The following MISP variants were observed in gnomAD, a reference collection of about 807,000 sequenced individuals.
The protein encoded by MISP is mitotic interactor and substrate of PLK1.
Under a neutral mutation model 49.3 loss-of-function variants are expected in MISP, and 51 were observed. That is an observed-to-expected ratio of 1.03 (90% CI 0.83 to 1.31). The LOEUF (loss-of-function observed/expected upper bound fraction) is 1.31. Ranked by LOEUF, MISP falls within the 50% of genes most tolerant of loss-of-function variation. The pLI is 0.00. For synonymous variants in MISP, 444 were observed against 392.6 expected (o/e 1.13, Z -1.55); for missense variants, 1,084 against 935.1 (o/e 1.16, Z -2.08).
rs565026242 is a variant in MISP at position 761,502 on chromosome 19, G to C, written c.1912-123G>C. On this transcript the variant is annotated intron_variant, in intron 3 of 4. Coordinates refer to ENST00000215582, the MANE Select transcript of MISP (RefSeq NM_173481.4). ...GTGGGACACGTGTTGAGAACACTCA[G>C]GGCAGGGGATGCCTTCCACTCTTCC... The C allele has an allele frequency of 7.6e-6, 8 of 1,047,620 alleles. No individual in the cohort carries two copies. In the African/African-American group the frequency reaches 1.1e-4, roughly 14 times the overall value. The allele number at this position is 1,047,620 out of a possible 1,614,324, so 64.9% of individuals were successfully genotyped here. A position where few individuals can be genotyped will look rare whatever the true frequency, so the allele number is the denominator to read the frequency against.
At chr19:761,484 A>G in intron 3 of MISP, 141 bp from the exon 4 acceptor site, 2 of 829,916 alleles carry the variant, frequency 2.4e-6, no homozygotes, top group Non-Finnish European at 2.0e-6. Flanking sequence ...ATCGTGGGAC[A>G]CGTGTTGAGA....
chr19:761,558 G>T (rs550559189), intron 3 of MISP, 67 bp from the exon 4 acceptor site: 4 of 1,576,934 alleles, frequency 2.5e-6, no homozygotes, highest in Admixed American at 3.3e-5. Flanking sequence ...CTGTGTGGGA[G>T]CTCTGGTCGG....
rs2033593288 is a variant in MISP at position 757,950 on chromosome 19, G to A, written c.1004G>A (p.Ser335Asn). 6.3e-7 allele frequency: 1 copy of A among 1,597,064 alleles called. No homozygotes were observed. The change falls in exon 2 of 5, where the codon AGC becomes AAC. Residue 335 changes from serine (S) to asparagine (N), a missense_variant. Physicochemically the swap from Ser to Asn is conservative, Grantham distance 46. Coordinates refer to ENST00000215582, the MANE Select transcript of MISP (RefSeq NM_173481.4). ...ACCAGGCCGCTGCTGACCAAGCTGA[G>A]CCTGATCACAGCCCCACGGCGGGAG... ...IPTRPLLTKLSLITAPRRERG... is the reference protein window; with the variant it reads ...IPTRPLLTKLNLITAPRRERG...
rs750250141 is a variant in MISP, at chr19:758,567, T to A, written c.1621T>A (p.Ser541Thr). ...AGAPALRLQK[S>T]QSSDLLERER... ...GGCCCCTGCACTGAGGCTGCAGAAGTCCCAGTCATCTGATCTGCTGGAAAG... is the reference window on the plus strand; with the variant it reads ...GGCCCCTGCACTGAGGCTGCAGAAGACCCAGTCATCTGATCTGCTGGAAAG... The change falls in exon 2 of 5, where the codon TCC (serine) becomes ACC (threonine). Residue 541 changes from serine (S) to threonine (T), a missense_variant. By Grantham distance (58) the Ser-to-Thr change is moderately conservative. Coordinates refer to ENST00000215582, the MANE Select transcript of MISP (RefSeq NM_173481.4). 1.5e-4 allele frequency: 237 copies of A among 1,614,010 alleles called. No individual in the cohort carries two copies. Among genetic ancestry groups the A allele is most frequent in the Admixed American group, 2.3e-4 (14 of 60,008 alleles).
At chr19:751,514 C>T (rs1372506773) in intron 1 of MISP, among the ~76,000 whole-genome samples, 3 of 152,182 alleles carry the variant, frequency 2.0e-5, no homozygotes, top group African/African-American at 7.2e-5. Context: ...CCAGAGGGGC[C>T]CCTCCATGGT....
chr19:750,623 G>C (rs1244008977), upstream of MISP, among the ~76,000 whole-genome samples: 1 of 152,144 alleles, frequency 6.6e-6, no homozygotes, highest in Non-Finnish European at 1.5e-5. Context: ...GGTCAGGTGG[G>C]ATCAGAACCC....
Position 759,978 on chromosome 19 carries a change from C to T in MISP, c.1850C>T (p.Ala617Val), listed in dbSNP as rs185794418. 1.1e-5 allele frequency: 17 copies of T among 1,614,046 alleles called. No homozygotes were observed. Among genetic ancestry groups the T allele is most frequent in the Middle Eastern group, 1.6e-4 (1 of 6,062 alleles). ...FSPIHLHSNV[A>V]WTVEDPVDSA... ...CCCATCCACCTACACTCAAACGTGG[C>T]GTGGACAGTGGAAGATCCAGTGGAC... Residue 617 changes from alanine to valine, a missense_variant, in exon 3 of 5, where the codon GCG (alanine) becomes GTG (valine). Coordinates refer to ENST00000215582, the MANE Select transcript of MISP (RefSeq NM_173481.4).
At chr19:749,006 C>G (rs1173157642), upstream of MISP, among the ~76,000 whole-genome samples, 1 of 152,234 alleles carries the variant, frequency 6.6e-6, no homozygotes, top group Non-Finnish European at 1.5e-5. Flanking sequence ...GGCGTGGTGG[C>G]TCACGCCTGT....
intron 3 of MISP, 46 bp from the exon 4 acceptor site, chr19:761,579 G>A (rs200626142): frequency 2.5e-5 from 40 of 1,612,352 alleles, no homozygotes; most frequent in Admixed American, 1.8e-4. Flanking sequence ...ACTCTGCACC[G>A]GGCAGGGCAG....
rs1223820787 is a variant in MISP at position 757,270 on chromosome 19, A to C, written c.324A>C (p.Thr108=). 10 of 1,613,832 alleles carry C rather than the reference A, an allele frequency of 6.2e-6. No homozygotes were observed. Among genetic ancestry groups the C allele is most frequent in the Non-Finnish European group, 8.5e-6 (10 of 1,179,972 alleles). ...GGGATGCCCACCAGGGACGTCCAAC[A>C]TGGGCACTCCGCCCAGAGGACGGGG... ...GARDAHQGRP[T]WALRPEDGED... Residue 108 remains threonine, a synonymous_variant, in exon 2 of 5, where the codon ACA becomes ACC. Coordinates refer to ENST00000215582, the MANE Select transcript of MISP (RefSeq NM_173481.4).
rs139858549 is a variant in MISP, at chr19:758,612, C to G, written c.1666C>G (p.Arg556Gly). 10 of 1,614,110 alleles carry G rather than the reference C, an allele frequency of 6.2e-6. No individual in the cohort carries two copies. Among genetic ancestry groups the G allele is most frequent in the Non-Finnish European group, 8.5e-6 (10 of 1,180,052 alleles). The change falls in exon 2 of 5, where the codon CGC (arginine) becomes GGC (glycine). Residue 556 changes from arginine to glycine, a missense_variant. Physicochemically the swap from Arg to Gly is moderately radical, Grantham distance 125. Transcript: ENST00000215582. ...LLERERESVL[R>G]REQEVAEERR... ...GGAAAGGGAGAGGGAGAGTGTCCTG[C>G]GCCGGGAGCAAGAGGTGGCAGAGGA...
rs564559608 is a variant in MISP, at chr19:757,240, C to T, written c.294C>T (p.Gly98=). ...AGGGTTGGCAGGTTTACCGCCTGGGCGCCAGGGATGCCCACCAGGGACGTC... is the reference window on the plus strand; with the variant it reads ...AGGGTTGGCAGGTTTACCGCCTGGGTGCCAGGGATGCCCACCAGGGACGTC... ...EDEGWQVYRL[G]ARDAHQGRPT... is the part of the protein sequence containing the mutation. Residue 98 remains glycine, a synonymous_variant, in exon 2 of 5, where the codon GGC becomes GGT. Transcript: ENST00000215582. The T allele has an allele frequency of 9.9e-6, 16 of 1,613,820 alleles. No individual in the cohort carries two copies. Among genetic ancestry groups the T allele is most frequent in the Admixed American group, 6.7e-5 (4 of 60,030 alleles).
intron 2 of MISP, 76 bp downstream of exon 2, chr19:758,802 A>G (rs2033624824): frequency 7.8e-7 from 1 of 1,286,510 alleles, no homozygotes; most frequent in Admixed American, 2.3e-5. Context: ...GGGGAGGTGG[A>G]GTTTGAGGCT....
In MISP at chr19:758,480, A is replaced by G. The variant is rs112043753; in HGVS notation, c.1534A>G (p.Arg512Gly). The G allele has an allele frequency of 8.7e-6, 14 of 1,614,092 alleles. No individual in the cohort carries two copies. The African/African-American group carries it at 9.3e-5, about 11-fold the overall frequency. ...CTTCCGCCTGCGTCCTCTGCGGTTC[A>G]GGGCCCCAGACGAGCCCCAGCAGGC... ...EYFRLRPLRF[R>G]APDEPQQAQV... The change falls in exon 2 of 5, where the codon AGG becomes GGG. Residue 512 changes from arginine to glycine, a missense_variant. By Grantham distance (125) the Arg-to-Gly change is moderately radical. Transcript: ENST00000215582.
chr19:757,100 C>A lies in MISP; in HGVS notation c.154C>A (p.Pro52Thr). Reference sequence around the variant, plus strand: ...GGGCCAGGATGAGCCGCAGACATGGCCCACTGACCACAGGGCCCAGCAGGG... The same window carrying A: ...GGGCCAGGATGAGCCGCAGACATGGACCACTGACCACAGGGCCCAGCAGGG... The part of the protein sequence containing the change: ...GWGQDEPQTW[P>T]TDHRAQQGVQ... The change falls in exon 2 of 5, where the codon CCC (proline) becomes ACC (threonine). Residue 52 changes from proline (P) to threonine (T), a missense_variant. By Grantham distance (38) the Pro-to-Thr change is conservative. Transcript: ENST00000215582. 1 of 1,613,072 alleles carries A rather than the reference C, an allele frequency of 6.2e-7. No homozygotes were observed. The highest frequency in any genetic ancestry group is 8.5e-7 in the Non-Finnish European group (1 of 1,179,824).
upstream of MISP, among the ~76,000 whole-genome samples, chr19:748,964 C>T (rs577855321): frequency 6.2e-4 from 95 of 152,336 alleles, no homozygotes; most frequent in Middle Eastern, 3.4e-3. Flanking sequence ...TACTGAAACC[C>T]TGTCTCTACT....
At position 757,743 on chromosome 19, in the gene MISP, C is replaced by G. The variant is rs753219327; in HGVS notation, c.797C>G (p.Thr266Ser). ...GAGAACAAGGTGCGTGCTGTGCCCA[C>G]CTGGGCCAGTGTCCAAGTTGTGGAT... ...REENKVRAVP[T>S]WASVQVVDDP... is the part of the protein sequence containing the mutation. Residue 266 changes from threonine (T) to serine (S), a missense_variant, in exon 2 of 5, where the codon ACC becomes AGC. Physicochemically the swap from Thr to Ser is moderately conservative, Grantham distance 58 (BLOSUM62 1). Coordinates refer to ENST00000215582, the MANE Select transcript of MISP (RefSeq NM_173481.4). 1.2e-6 allele frequency: 2 copies of G among 1,613,862 alleles called. No individual in the cohort carries two copies. Among genetic ancestry groups the G allele is most frequent in the South Asian group, 2.2e-5 (2 of 91,088 alleles).
rs1358568863 is a variant in MISP, at chr19:758,718, A to G, written c.1772A>G (p.Gln591Arg). The change falls in exon 2 of 5, where the codon CAG becomes CGG. Residue 591 changes from glutamine to arginine, a missense_variant. Transcript: ENST00000215582. ...GACCAGAACTCCAGGAGCTCCTCCC[A>G]GGCATCCGGTGAGAAGGGGCTCCAG... is the stretch of plus-strand genomic sequence containing the variant. The part of the protein sequence containing the change: ...NSDQNSRSSS[Q>R]ASGITGSYSV... 6.2e-7 allele frequency: 1 copy of G among 1,612,192 alleles called. No homozygotes were observed.
chr19:760,747 C>A (rs1170534576), intron 3 of MISP, among the ~76,000 whole-genome samples: 1 of 150,120 alleles, frequency 6.7e-6, no homozygotes, highest in East Asian at 2.0e-4. Flanking sequence ...AGGAACAAAG[C>A]GAGGAAGGAA....
Sources: gnomAD v4.1 joint callset for allele counts (sites outside exome capture counted in the v4.1 genomes callset) on GRCh38, gnomAD v4.1.1 for gene constraint, MANE v1.5 for transcripts, NCBI Gene and HGNC (gene_info 2026-07-23, HGNC 2026-07-21) for gene names.